Variants in GATC observed in about 807,000 individuals in gnomAD.
The protein encoded by GATC is glutamyl-tRNA(Gln) amidotransferase subunit C, mitochondrial.
A neutral mutation model predicts 14.4 loss-of-function variants in GATC; 11 were observed. The observed-to-expected ratio is 0.77, with a 90% CI of 0.48 to 1.27. The LOEUF is 1.27. GATC is among the 50% of genes most tolerant of loss of function. The pLI is 0.00. For synonymous variants in GATC, 76 were observed against 79.3 expected, an observed-to-expected ratio of 0.96 and a Z score of 0.22; for missense variants, 204 against 183.0, an observed-to-expected ratio of 1.11 and a Z score of -0.66.
rs1382761116 is a variant in GATC at position 120,451,875 on chromosome 12, C to CTTTTTTTTTTTCTTTTTTTT, written c.254+5057_254+5058insCTTTTTTTTTTTTTTTTTTT. On this transcript the variant is annotated intron_variant, in intron 2 of 3. Transcript: ENST00000551765. ...CAGGGGCTAATAAATTATATAAATTCTTTTTTTTTTTTTTTTTTTTGAGCT... is the reference window on the plus strand; with the variant it reads ...CAGGGGCTAATAAATTATATAAATTCTTTTTTTTTTTCTTTTTTTTTTTTTTTTTTTTTTTTTTTTGAGCT... Among the ~76,000 whole-genome samples, 2 of 90,794 alleles carry CTTTTTTTTTTTCTTTTTTTT rather than the reference C, an allele frequency of 2.2e-5. 1 individual carries two copies. Among genetic ancestry groups the CTTTTTTTTTTTCTTTTTTTT allele is most frequent in the African/African-American group, 8.4e-5 (2 of 23,936 alleles). The allele number at this position is 90,794 out of a possible 152,430, so 59.6% of individuals were successfully genotyped here.
rs370436477 is a variant in GATC at position 120,462,041 on chromosome 12, A to T, written c.*2082A>T. 3.0e-5 allele frequency: 48 copies of T among 1,611,628 alleles called. No individual in the cohort carries two copies. The highest frequency in any genetic ancestry group is 2.2e-4 in the Middle Eastern group (1 of 4,480). On this transcript the variant is annotated 3_prime_UTR_variant, in exon 4 of 4. Transcript: ENST00000551765. ...GTCTCAGTAGGGCCTGAAAGGAGAGAAGTAGTGTGGGGAACCCCTGCTTTG... is the reference window on the plus strand; with the variant it reads ...GTCTCAGTAGGGCCTGAAAGGAGAGTAGTAGTGTGGGGAACCCCTGCTTTG...
chr12:120,446,542 C>A lies in GATC; in HGVS notation c.62C>A (p.Thr21Asn). The A allele has an allele frequency of 1.2e-6, 2 of 1,600,940 alleles. No homozygotes were observed. Among genetic ancestry groups the A allele is most frequent in the Non-Finnish European group, 1.7e-6 (2 of 1,173,844 alleles). The change falls in exon 1 of 4, where the codon ACC becomes AAC. Residue 21 changes from threonine to asparagine, a missense_variant. Physicochemically the swap from Thr to Asn is moderately conservative, Grantham distance 65. Transcript: ENST00000551765. ...CCTCTGGGCGGGCGCCAGGGCTTCACCTCCAAGGCGGATCCTCAGGTAAAG... is the reference window on the plus strand; with the variant it reads ...CCTCTGGGCGGGCGCCAGGGCTTCAACTCCAAGGCGGATCCTCAGGTAAAG... ...RAPLGGRQGFTSKADPQGSGR... is the reference protein window; with the variant it reads ...RAPLGGRQGFNSKADPQGSGR...
chr12:120,458,883 C>T (rs540904306), intron 3 of GATC, among the ~76,000 whole-genome samples: 4 of 152,280 alleles, frequency 2.6e-5, no homozygotes, highest in East Asian at 1.9e-4. Context: ...TGTTTTGAGA[C>T]GGAGTCTTGC....
intron 2 of GATC, among the ~76,000 whole-genome samples, chr12:120,454,310 T>G (rs1435836259): frequency 6.6e-6 from 1 of 152,160 alleles, no homozygotes; most frequent in African/African-American, 2.4e-5. Flanking sequence ...AACATTTCAT[T>G]TAATCTTCCC....
chr12:120,454,411 C>T (rs1878125016), intron 2 of GATC, among the ~76,000 whole-genome samples: 1 of 152,058 alleles, frequency 6.6e-6, no homozygotes, highest in East Asian at 1.9e-4. Context: ...TCAGCTGTGA[C>T]TTGAGAGCCT....
Position 120,463,086 on chromosome 12 carries a change from C to T in GATC, c.*3127C>T, listed in dbSNP as rs1878394809. The stretch of plus-strand genomic sequence containing the variant: ...TGTGTCCCCAAACATCCGTAAATCT[C>T]ATAGTAAGGCAGGACAGGATAACCA... On this transcript the variant is annotated 3_prime_UTR_variant, in exon 4 of 4. Transcript: ENST00000551765. 1 of 151,234 alleles carries T rather than the reference C, an allele frequency of 6.6e-6. No homozygotes were observed. The highest frequency in any genetic ancestry group is 2.4e-5 in the African/African-American group (1 of 40,898). The allele number at this position is 151,234 out of a possible 1,614,324, so 9.4% of individuals were successfully genotyped here. A position where few individuals can be genotyped will look rare whatever the true frequency, so the allele number is the denominator to read the frequency against.
In GATC at chr12:120,447,519, G is replaced by A. The variant is rs189381109; in HGVS notation, c.254+690G>A. On this transcript the variant is annotated intron_variant, in intron 2 of 3. Coordinates refer to ENST00000551765, the MANE Select transcript of GATC (RefSeq NM_176818.3). ...CTCTAGATCTCTGCACTGGCCCTTC[G>A]TTTTTTTCCTTCCTCTCAGTATTTG... Among the ~76,000 whole-genome samples, 9 of 151,960 alleles carry A rather than the reference G, an allele frequency of 5.9e-5. No homozygotes were observed. In the South Asian group the frequency reaches 8.3e-4, roughly 14 times the overall value.
intron 2 of GATC, among the ~76,000 whole-genome samples, chr12:120,452,910 G>C (rs1390713828): frequency 6.6e-6 from 1 of 152,032 alleles, no homozygotes; most frequent in Non-Finnish European, 1.5e-5. Flanking sequence ...TTCCCAGGCT[G>C]GTCTTGAACT....
intron 2 of GATC, among the ~76,000 whole-genome samples, chr12:120,455,701 T>C (rs1878164922): frequency 6.6e-6 from 1 of 151,972 alleles, no homozygotes; most frequent in Non-Finnish European, 1.5e-5. Flanking sequence ...TCTCTTTTTT[T>C]TTGAGGCAGA....
intron 3 of GATC, among the ~76,000 whole-genome samples, chr12:120,459,583 G>A (rs552415351): frequency 5.3e-5 from 8 of 152,304 alleles, no homozygotes; most frequent in South Asian, 4.1e-4. Flanking sequence ...GTGGCCGGGC[G>A]CGGTGGCTCA....
intron 2 of GATC, chr12:120,450,933 G>A (rs1163341638): frequency 1.3e-5 from 2 of 152,134 alleles, no homozygotes; most frequent in Non-Finnish European, 2.9e-5. Context: ...CTTTAGGTCA[G>A]GAGTTCGAGA....
At chr12:120,449,637 G>C (rs1400292696) in intron 2 of GATC, among the ~76,000 whole-genome samples, 1 of 151,656 alleles carries the variant, frequency 6.6e-6, no homozygotes, top group Admixed American at 6.6e-5. Flanking sequence ...TAGTAGAGAG[G>C]GGTTTCACCA....
chr12:120,457,732 A>G (rs1387284017), intron 3 of GATC, among the ~76,000 whole-genome samples: 1 of 148,878 alleles, frequency 6.7e-6, no homozygotes, highest in Non-Finnish European at 1.5e-5. Flanking sequence ...CAGGCTCCCC[A>G]GTAGCTGGGA....
chr12:120,447,137 C>G (rs981380005), intron 2 of GATC, among the ~76,000 whole-genome samples: 2 of 148,336 alleles, frequency 1.3e-5, no homozygotes, highest in African/African-American at 5.0e-5. Flanking sequence ...AGTGCAGTGG[C>G]TCGATCTCGG....
At position 120,446,698 on chromosome 12, in the gene GATC, G is replaced by A. The variant is rs751594387; in HGVS notation, c.123G>A (p.Glu41=). 6.2e-7 allele frequency: 1 copy of A among 1,613,666 alleles called. No individual in the cohort carries two copies. The highest frequency in any genetic ancestry group is 1.3e-5 in the African/African-American group (1 of 74,948). ...RITAAVIEHL[E]RLALVDFGSR... Reference sequence around the variant, plus strand: ...CGGCTGCGGTGATCGAGCACCTGGAGCGTCTAGCGCTTGTGGACTTCGGCA... The same window carrying A: ...CGGCTGCGGTGATCGAGCACCTGGAACGTCTAGCGCTTGTGGACTTCGGCA... The change falls in exon 2 of 4, where the codon GAG becomes GAA. Residue 41 remains glutamate (E), a synonymous_variant. Coordinates refer to ENST00000551765, the MANE Select transcript of GATC (RefSeq NM_176818.3).
Position 120,446,760 on chromosome 12 carries a change from C to G in GATC, c.185C>G (p.Ala62Gly). ...EAVARLEKAI[A>G]FADRLRAVDT... The stretch of plus-strand genomic sequence containing the variant: ...GTGGCGCGACTGGAGAAAGCTATCG[C>G]CTTCGCCGACCGGCTACGCGCCGTG... The change falls in exon 2 of 4, where the codon GCC becomes GGC. Residue 62 changes from alanine to glycine, a missense_variant. Coordinates refer to ENST00000551765, the MANE Select transcript of GATC (RefSeq NM_176818.3). 6.2e-7 allele frequency: 1 copy of G among 1,614,064 alleles called. No homozygotes were observed. Among genetic ancestry groups the G allele is most frequent in the Non-Finnish European group, 8.5e-7 (1 of 1,180,036 alleles).
rs1461727464 is a variant in GATC at position 120,461,024 on chromosome 12, CAG to C, written c.*1070_*1071del. The C allele has an allele frequency of 4.0e-5, 6 of 148,888 alleles. No homozygotes were observed. Among genetic ancestry groups the C allele is most frequent in the Non-Finnish European group, 7.4e-5 (5 of 67,634 alleles). The allele number at this position is 148,888 out of a possible 1,614,324, so 9.2% of individuals were successfully genotyped here. ...AAAAAAAAAAAAAAAGTGATAGAAT[CAG>C]AGAGTTTTTCCTCTAACCAAACTGC... On this transcript the variant is annotated 3_prime_UTR_variant, in exon 4 of 4. Transcript: ENST00000551765.
chr12:120,462,011 C>A lies in GATC; in HGVS notation c.*2052C>A. 6.3e-7 allele frequency: 1 copy of A among 1,596,798 alleles called. No homozygotes were observed. Among genetic ancestry groups the A allele is most frequent in the Non-Finnish European group, 8.5e-7 (1 of 1,172,348 alleles). On this transcript the variant is annotated 3_prime_UTR_variant, in exon 4 of 4. Transcript: ENST00000551765. ...TAAAAAATAAAGAAAAAATTCCCAT[C>A]ACCTGTCTCAGTAGGGCCTGAAAGG... is the stretch of plus-strand genomic sequence containing the variant.
chr12:120,458,417 A>G (rs1387999998), intron 3 of GATC, among the ~76,000 whole-genome samples: 1 of 152,196 alleles, frequency 6.6e-6, no homozygotes, highest in Non-Finnish European at 1.5e-5. Context: ...CAACCAATTC[A>G]AAATTTAAAA....
Sources: allele counts gnomAD v4.1 joint callset (sites outside exome capture counted in the v4.1 genomes callset), GRCh38; gene constraint gnomAD v4.1.1; transcripts MANE v1.5; gene names NCBI Gene and HGNC (gene_info 2026-07-23, HGNC 2026-07-21).